The following ATE1 variants were observed in gnomAD, a reference collection of about 807,000 sequenced individuals.
ATE1 encodes the protein arginyl-tRNA--protein transferase 1.
Under a neutral mutation model 70.5 loss-of-function variants are expected in ATE1, and 36 were observed. That is an observed-to-expected ratio of 0.51 (90% confidence interval 0.39 to 0.67). ATE1 has a LOEUF of 0.67. Ranked by LOEUF, ATE1 falls within the 30% of genes least tolerant of loss-of-function variation. ATE1 has a pLI of 0.00. For synonymous variants in ATE1, 232 were observed against 219.3 expected (o/e 1.06, Z -0.51); for missense variants, 593 against 629.5 (o/e 0.94, Z 0.62).
At chr10:121,893,483 C>CAAGAA (rs1950653930) in intron 7 of ATE1, among the ~76,000 whole-genome samples, 1 of 151,906 alleles carries the variant, frequency 6.6e-6, no homozygotes, top group Non-Finnish European at 1.5e-5. Context: ...TTATAAATAA[C>CAAGAA]TAATTGTTCT....
intron 5 of ATE1, among the ~76,000 whole-genome samples, chr10:121,910,418 A>C (rs962094948): frequency 6.6e-6 from 1 of 152,222 alleles, no homozygotes; most frequent in African/African-American, 2.4e-5. Context: ...AACATAAAAA[A>C]ATCTTACCTG....
At chr10:121,756,858 T>C (rs1485613233) in intron 11 of ATE1, among the ~76,000 whole-genome samples, 1 of 152,210 alleles carries the variant, frequency 6.6e-6, no homozygotes, top group Non-Finnish European at 1.5e-5. Context: ...TGAAGACCTC[T>C]GGCATAACCT....
chr10:121,778,576 T>C (rs1945843479), intron 11 of ATE1, among the ~76,000 whole-genome samples: 2 of 137,064 alleles, frequency 1.5e-5, no homozygotes, highest in Middle Eastern at 3.7e-3. Context: ...TTTTTTTTTT[T>C]TTTTTTTTTT....
chr10:121,830,474 A>G (rs565454443), intron 10 of ATE1, among the ~76,000 whole-genome samples: 2 of 152,166 alleles, frequency 1.3e-5, no homozygotes, highest in Non-Finnish European at 2.9e-5. Context: ...GGCAGATGCA[A>G]GTGCCATGCC....
At chr10:121,779,245 G>T (rs1031300812) in intron 11 of ATE1, among the ~76,000 whole-genome samples, 1 of 152,064 alleles carries the variant, frequency 6.6e-6, no homozygotes, top group African/African-American at 2.4e-5. Context: ...CAATGGCCTG[G>T]TAAGTTCCCA....
chr10:121,904,058 C>A (rs1355247037), intron 5 of ATE1, among the ~76,000 whole-genome samples: 2 of 151,332 alleles, frequency 1.3e-5, no homozygotes, highest in Admixed American at 1.3e-4. Flanking sequence ...GAGCTCACTG[C>A]AACCTCTGCC....
At chr10:121,806,764 C>T (rs1947114646) in intron 10 of ATE1, among the ~76,000 whole-genome samples, 1 of 152,128 alleles carries the variant, frequency 6.6e-6, no homozygotes, top group South Asian at 2.1e-4. Flanking sequence ...ATTAAGTATG[C>T]AACACATACA....
chr10:121,763,633 G>A (rs914948947), intron 11 of ATE1, among the ~76,000 whole-genome samples: 5 of 152,178 alleles, frequency 3.3e-5, no homozygotes, highest in African/African-American at 1.2e-4. Context: ...CAGCACAGGA[G>A]ACTTCTAGGC....
chr10:121,862,737 G>A (rs766518852), intron 8 of ATE1, among the ~76,000 whole-genome samples: 3 of 151,620 alleles, frequency 2.0e-5, no homozygotes, highest in Non-Finnish European at 2.9e-5. Flanking sequence ...CTTATTTGCC[G>A]GTCCCAACAG....
At chr10:121,794,165 T>C (rs1029242690) in intron 10 of ATE1, among the ~76,000 whole-genome samples, 19 of 152,196 alleles carry the variant, frequency 1.2e-4, no homozygotes, top group Non-Finnish European at 4.4e-5. Context: ...TGACCTGTCT[T>C]ATCAAGTACC....
At chr10:121,900,524 T>C (rs984403711) in intron 6 of ATE1, among the ~76,000 whole-genome samples, 11 of 152,252 alleles carry the variant, frequency 7.2e-5, no homozygotes, top group African/African-American at 2.4e-4. Context: ...AATCTTACAA[T>C]GTCACCATCT....
chr10:121,863,931 G>A (rs1949569011), intron 8 of ATE1, among the ~76,000 whole-genome samples: 1 of 152,156 alleles, frequency 6.6e-6, no homozygotes, highest in Non-Finnish European at 1.5e-5. Context: ...TCGTATAGTA[G>A]TGTTTTACTC....
intron 11 of ATE1, among the ~76,000 whole-genome samples, chr10:121,780,694 G>C (rs997526898): frequency 2.6e-5 from 4 of 152,156 alleles, no homozygotes; most frequent in African/African-American, 9.7e-5. Flanking sequence ...TGCCAACCAG[G>C]CCTTCTGAAT....
chr10:121,909,219 G>A (rs149062468), intron 5 of ATE1, among the ~76,000 whole-genome samples: 1,761 of 152,204 alleles, frequency 0.012, 36 homozygotes, highest in African/African-American at 0.04. Context: ...AAACTCCTGG[G>A]CTCAAGCAAT....
intron 8 of ATE1, among the ~76,000 whole-genome samples, chr10:121,862,821 G>C (rs1322659998): frequency 1.3e-5 from 2 of 152,096 alleles, no homozygotes; most frequent in Non-Finnish European, 2.9e-5. Flanking sequence ...GCTGTTCATT[G>C]GCATAAGACA....
intron 11 of ATE1, among the ~76,000 whole-genome samples, chr10:121,783,615 G>A (rs1156417650): frequency 6.6e-6 from 1 of 151,774 alleles, no homozygotes; most frequent in East Asian, 1.9e-4. Context: ...AGTTCAACCA[G>A]CACTTAAATA....
chr10:121,805,253 A>C (rs1947050947), intron 10 of ATE1, among the ~76,000 whole-genome samples: 1 of 152,252 alleles, frequency 6.6e-6, no homozygotes, highest in Admixed American at 6.5e-5. Context: ...GAATAAAATA[A>C]TAAACAAACG....
chr10:121,916,959 T>C (rs1951685920), intron 3 of ATE1, among the ~76,000 whole-genome samples: 1 of 151,130 alleles, frequency 6.6e-6, no homozygotes, highest in Non-Finnish European at 1.5e-5. Context: ...AGGTATGGAG[T>C]TCGAGACCAG....
intron 3 of ATE1, among the ~76,000 whole-genome samples, chr10:121,919,540 G>A (rs377754216): frequency 1.6e-4 from 24 of 150,574 alleles, no homozygotes; most frequent in Non-Finnish European, 2.2e-4. Context: ...CAGCCTGGGC[G>A]ACAGCAAGAC....
Sources: allele counts gnomAD v4.1 joint callset (sites outside exome capture counted in the v4.1 genomes callset), GRCh38; gene constraint gnomAD v4.1.1; transcripts MANE v1.5; gene names NCBI Gene and HGNC (gene_info 2026-07-23, HGNC 2026-07-21).